Variants in UGCG observed in about 807,000 individuals in gnomAD.
The protein encoded by UGCG is UDP-glucose ceramide glucosyltransferase.
Under a neutral mutation model 49.5 loss-of-function variants are expected in UGCG, and 10 were observed. The ratio of observed to expected loss-of-function variants is 0.20; its 90% CI spans 0.12 to 0.34. The LOEUF (loss-of-function observed/expected upper bound fraction) is 0.34. UGCG is among the 10% of genes least tolerant of loss of function. UGCG has a pLI of 1.00. For missense variants in UGCG, 312 were observed against 483.7 expected (o/e 0.65, Z 3.33); for synonymous variants, 182 against 158.2 (o/e 1.15, Z -1.13).
intron 7 of UGCG, 107 bp from the exon 8 acceptor site, chr9:111,932,063 G>T: frequency 2.6e-6 from 3 of 1,152,210 alleles, no homozygotes; most frequent in Non-Finnish European, 3.7e-6. Flanking sequence ...TAAAGAGAAT[G>T]GTCTTTCTAT....
chr9:111,906,118 A>G (rs1204799665), intron 1 of UGCG, among the ~76,000 whole-genome samples: 1 of 152,074 alleles, frequency 6.6e-6, no homozygotes, highest in African/African-American at 2.4e-5. Flanking sequence ...TGTGATCTCT[A>G]CCTGTGGGCA....
rs780740915 is a variant in UGCG, at chr9:111,932,292, T to C, written c.947T>C (p.Met316Thr). The stretch of plus-strand genomic sequence containing the variant: ...CACCATGTGTTCAGATGGGATATTA[T>C]GGTATTTTTCATGTGTCATTGCCTG... ...AAHHVFRWDI[M>T]VFFMCHCLAW... The change falls in exon 8 of 9, where the codon ATG (methionine) becomes ACG (threonine). Residue 316 changes from methionine (M) to threonine (T), a missense_variant. Physicochemically the swap from Met to Thr is moderately conservative, Grantham distance 81. Around this residue, in one of 4 missense-constraint regions of UGCG, gnomAD observed 180 missense variants for 320.4 expected, o/e 0.56. Coordinates refer to ENST00000374279, the MANE Select transcript of UGCG (RefSeq NM_003358.3). The C allele has an allele frequency of 3.7e-6, 6 of 1,614,078 alleles. No individual in the cohort carries two copies. Among genetic ancestry groups the C allele is most frequent in the South Asian group, 2.2e-5 (2 of 91,086 alleles).
chr9:111,914,901 C>A, intron 2 of UGCG, 155 bp downstream of exon 2: 1 of 1,099,684 alleles, frequency 9.1e-7, no homozygotes, highest in South Asian at 2.1e-5. Flanking sequence ...GTAGTCATCA[C>A]AGAACAGAAA....
intron 1 of UGCG, among the ~76,000 whole-genome samples, chr9:111,907,717 C>T (rs984783674): frequency 4.6e-5 from 7 of 151,848 alleles, no homozygotes; most frequent in Admixed American, 6.6e-5. Context: ...CTCCGCCTCC[C>T]GGATTCAAGT....
chr9:111,923,240 T>G (rs931172128), intron 3 of UGCG, among the ~76,000 whole-genome samples: 3 of 152,206 alleles, frequency 2.0e-5, no homozygotes, highest in Admixed American at 2.0e-4. Flanking sequence ...GCCTTTTCTG[T>G]ATCTTACTGA....
At position 111,897,263 on chromosome 9, in the gene UGCG, C is replaced by A; in HGVS notation, c.48C>A (p.Phe16Leu). 1.9e-6 allele frequency: 3 copies of A among 1,559,672 alleles called. No individual in the cohort carries two copies. Among genetic ancestry groups the A allele is most frequent in the Admixed American group, 1.9e-5 (1 of 52,140 alleles). Residue 16 changes from phenylalanine to leucine, a missense_variant, in exon 1 of 9, where the codon TTC (phenylalanine) becomes TTA (leucine). Physicochemically the swap from Phe to Leu is conservative, Grantham distance 22 (BLOSUM62 0). Transcript: ENST00000374279. ...LALEGMAVFG[F>L]VLFLVLWLMH... ...TGGAGGGAATGGCCGTCTTCGGGTT[C>A]GTCCTCTTCTTGGTGCTGTGGCTGA...
chr9:111,921,909 T>A (rs1838229492), intron 2 of UGCG, among the ~76,000 whole-genome samples: 1 of 141,458 alleles, frequency 7.1e-6, no homozygotes, highest in Non-Finnish European at 1.5e-5. Flanking sequence ...CCTCCTGGGC[T>A]CAAGCAATCC....
At chr9:111,923,034 T>G in intron 3 of UGCG, 83 bp downstream of exon 3, 3 of 832,754 alleles carry the variant, frequency 3.6e-6, no homozygotes, top group Admixed American at 2.7e-5. Flanking sequence ...AAGATTAAGG[T>G]GTTAGCCATG....
chr9:111,908,848 TC>T (rs1269056485), intron 1 of UGCG, among the ~76,000 whole-genome samples: 1 of 152,312 alleles, frequency 6.6e-6, no homozygotes, highest in Non-Finnish European at 1.5e-5. Flanking sequence ...TAAGACCCTG[TC>T]CGAGCCACTT....
At position 111,933,164 on chromosome 9, in the gene UGCG, AAC is replaced by A. The variant is rs1554738017; in HGVS notation, c.*171_*172del. ...ACTTGCATCTGTGAAAAAAAAAAAA[AAC>A]ACATCTGTAGTCTTGGCCAAATGAT... On this transcript the variant is annotated 3_prime_UTR_variant, in exon 9 of 9. Transcript: ENST00000374279. The A allele has an allele frequency of 1.7e-6, 1 of 590,818 alleles. No individual in the cohort carries two copies. Among genetic ancestry groups the A allele is most frequent in the Non-Finnish European group, 2.4e-6 (1 of 409,066 alleles). 36.6% of individuals were successfully genotyped at this position (590,818 alleles called of 1,614,324 possible).
At chr9:111,932,057 G>T in intron 7 of UGCG, 113 bp from the exon 8 acceptor site, 76 of 1,087,352 alleles carry the variant, frequency 7.0e-5, no homozygotes, top group Middle Eastern at 2.5e-4. Context: ...AAAGTTTAAA[G>T]AGAATGGTCT....
intron 2 of UGCG, among the ~76,000 whole-genome samples, chr9:111,921,802 A>ACTTTTTTTTTTT (rs1554735821): frequency 1.8e-5 from 1 of 55,536 alleles, no homozygotes; most frequent in Non-Finnish European, 3.2e-5. Flanking sequence ...CCCCAGGGTG[A>ACTTTTTTTTTTT]TTTTTTTTTT....
chr9:111,925,520 C>T (rs1390615408), intron 4 of UGCG, among the ~76,000 whole-genome samples: 1 of 152,176 alleles, frequency 6.6e-6, no homozygotes, highest in Non-Finnish European at 1.5e-5. Context: ...CATGAGATGC[C>T]AGTAGTACCC....
intron 2 of UGCG, 125 bp from the exon 3 acceptor site, chr9:111,922,724 T>C (rs555918566): frequency 3.6e-5 from 19 of 530,560 alleles, no homozygotes; most frequent in African/African-American, 2.9e-4. Context: ...TTGTGAATGC[T>C]CTCTTTTAAA....
intron 3 of UGCG, among the ~76,000 whole-genome samples, chr9:111,923,294 A>G (rs1437576058): frequency 6.6e-6 from 1 of 151,898 alleles, no homozygotes; most frequent in East Asian, 1.9e-4. Flanking sequence ...ATTACATTAC[A>G]AGAAGGGTAT....
At chr9:111,917,201 C>T (rs1007993571) in intron 2 of UGCG, among the ~76,000 whole-genome samples, 1 of 152,042 alleles carries the variant, frequency 6.6e-6, no homozygotes, top group Middle Eastern at 3.2e-3. Context: ...ATTTTATTTT[C>T]TAATTATAAA....
At chr9:111,921,802 ATTTTTTTTTT>A (rs71373800) in intron 2 of UGCG, among the ~76,000 whole-genome samples, 15 of 55,534 alleles carry the variant, frequency 2.7e-4, no homozygotes, top group East Asian at 8.1e-4. Flanking sequence ...CCCCAGGGTG[ATTTTTTTTTT>A]TTTTTTTTTT....
chr9:111,904,736 C>T (rs926461694), intron 1 of UGCG, among the ~76,000 whole-genome samples: 1 of 152,134 alleles, frequency 6.6e-6, no homozygotes, highest in Non-Finnish European at 1.5e-5. Context: ...GTGGTGCTCG[C>T]CTGTAATCCC....
chr9:111,921,802 AT>A (rs71373800), intron 2 of UGCG, among the ~76,000 whole-genome samples: 1,167 of 55,468 alleles, frequency 0.021, 16 homozygotes, highest in Non-Finnish European at 0.031. Context: ...CCCCAGGGTG[AT>A]TTTTTTTTTT....
Sources: gnomAD v4.1 joint callset for allele counts (sites outside exome capture counted in the v4.1 genomes callset) on GRCh38, gnomAD v4.1.1 for gene constraint, gnomAD v4.1.1 regional missense constraint, MANE v1.5 for transcripts, NCBI Gene and HGNC (gene_info 2026-07-23, HGNC 2026-07-21) for gene names.